The following PNPLA1 variants were observed in gnomAD, a reference collection of about 807,000 sequenced individuals.
PNPLA1 encodes patatin like domain 1, omega-hydroxyceramide transacylase.
PNPLA1 carries 36 observed loss-of-function variants against 51.7 expected under a neutral mutation model. That is an observed-to-expected ratio of 0.70 (90% CI 0.53 to 0.92). The LOEUF (loss-of-function observed/expected upper bound fraction) is 0.92, where lower values mean the gene tolerates loss of function less well. PNPLA1 is among the 40% of genes least tolerant of loss of function. PNPLA1 has a pLI of 0.00. For missense variants in PNPLA1, 658 were observed against 682.5 expected (o/e 0.96, Z 0.40); for synonymous variants, 293 against 280.1 (o/e 1.05, Z -0.46).
In PNPLA1 at chr6:36,307,582, C is replaced by T; in HGVS notation, c.1470-5C>T. On this transcript the variant is annotated splice_region_variant and splice_polypyrimidine_tract_variant and intron_variant, in intron 7 of 8. Transcript: ENST00000636260. ...ATGAACCATCTACTTAATCTCTTTG[C>T]CTAGGGAGAGCCCTGCTGAAGACTC... 6 of 1,612,844 alleles carry T rather than the reference C, an allele frequency of 3.7e-6. No homozygotes were observed. Among genetic ancestry groups the T allele is most frequent in the Non-Finnish European group, 5.1e-6 (6 of 1,179,356 alleles).
upstream of PNPLA1, among the ~76,000 whole-genome samples, chr6:36,269,632 G>A (rs768687352): frequency 2.0e-5 from 3 of 152,176 alleles, no homozygotes; most frequent in Non-Finnish European, 4.4e-5. Context: ...GGGGCTTGTC[G>A]AGAGGGCACT....
chr6:36,288,042 G>T (rs938683697), intron 1 of PNPLA1, among the ~76,000 whole-genome samples: 2 of 152,150 alleles, frequency 1.3e-5, no homozygotes, highest in African/African-American at 4.8e-5. Flanking sequence ...CCCTACCCCT[G>T]AATAGGTGAG....
chr6:36,284,851 A>G (rs1442034143), intron 1 of PNPLA1, among the ~76,000 whole-genome samples: 4 of 152,186 alleles, frequency 2.6e-5, no homozygotes, highest in Non-Finnish European at 4.4e-5. Flanking sequence ...TTTCTTTCGA[A>G]CAAAGCCTCC....
chr6:36,291,024 G>A (rs1449933946), intron 1 of PNPLA1, among the ~76,000 whole-genome samples: 2 of 152,224 alleles, frequency 1.3e-5, no homozygotes, highest in Non-Finnish European at 2.9e-5. Context: ...TCCTTTAGCT[G>A]TTGATATGAA....
At chr6:36,309,520 G>T (rs1001846586) in intron 8 of PNPLA1, among the ~76,000 whole-genome samples, 1 of 152,190 alleles carries the variant, frequency 6.6e-6, no homozygotes, top group African/African-American at 2.4e-5. Flanking sequence ...TCCAGGGCCA[G>T]CTCTCTTCCC....
intron 1 of PNPLA1, among the ~76,000 whole-genome samples, chr6:36,265,014 C>T (rs1035354881): frequency 3.3e-5 from 5 of 152,166 alleles, no homozygotes; most frequent in African/African-American, 1.2e-4. Context: ...TCACACACCT[C>T]AAAAGGCCAG....
At chr6:36,269,973 T>C (rs1695260644), upstream of PNPLA1, among the ~76,000 whole-genome samples, 1 of 151,978 alleles carries the variant, frequency 6.6e-6, no homozygotes, top group South Asian at 2.1e-4. Context: ...CAGCAGCATG[T>C]TGGGGAGGGA....
chr6:36,258,896 G>T (rs1276360191), intron 1 of PNPLA1, among the ~76,000 whole-genome samples: 1 of 152,184 alleles, frequency 6.6e-6, no homozygotes, highest in African/African-American at 2.4e-5. Flanking sequence ...TTCCTTAAAT[G>T]TATTTATTTG....
intron 1 of PNPLA1, among the ~76,000 whole-genome samples, chr6:36,246,639 G>A (rs780021413): frequency 1.5e-4 from 23 of 152,108 alleles, no homozygotes; most frequent in Non-Finnish European, 3.1e-4. Context: ...ACAACAGGAA[G>A]GTCCTTTATG....
intron 5 of PNPLA1, among the ~76,000 whole-genome samples, chr6:36,297,073 C>T (rs926784334): frequency 1.3e-4 from 20 of 152,180 alleles, no homozygotes; most frequent in African/African-American, 4.8e-4. Context: ...GTCCCGCCTA[C>T]TGCTGGGTGA....
chr6:36,270,789 G>A (rs1769892214), intron 1 of PNPLA1, 125 bp downstream of exon 1: 2 of 1,157,860 alleles, frequency 1.7e-6, no homozygotes, highest in East Asian at 5.1e-5. Flanking sequence ...GGAAGGGAAG[G>A]GAAGAGCTGG....
chr6:36,274,714 G>A (rs2127326618), intron 1 of PNPLA1, among the ~76,000 whole-genome samples: 1 of 152,300 alleles, frequency 6.6e-6, no homozygotes. Flanking sequence ...TGTCACACTT[G>A]AAAATCTTAT....
intron 1 of PNPLA1, among the ~76,000 whole-genome samples, chr6:36,290,404 G>A (rs1262610087): frequency 6.6e-6 from 1 of 152,198 alleles, no homozygotes; most frequent in Non-Finnish European, 1.5e-5. Flanking sequence ...GGGCTCTGGG[G>A]TCACACATCC....
At chr6:36,263,042 T>C (rs1272557242) in intron 1 of PNPLA1, among the ~76,000 whole-genome samples, 4 of 152,248 alleles carry the variant, frequency 2.6e-5, no homozygotes, top group Non-Finnish European at 5.9e-5. Context: ...CAAAGGAGAC[T>C]GAATGAATAG....
chr6:36,302,193 C>A lies in PNPLA1; in HGVS notation c.1108C>A (p.Pro370Thr). 1 of 1,614,214 alleles carries A rather than the reference C, an allele frequency of 6.2e-7. No homozygotes were observed. Among genetic ancestry groups the A allele is most frequent in the Non-Finnish European group, 8.5e-7 (1 of 1,180,036 alleles). Residue 370 changes from proline to threonine, a missense_variant, in exon 6 of 9, where the codon CCA becomes ACA. By Grantham distance (38) the Pro-to-Thr change is conservative. Coordinates refer to ENST00000636260, the MANE Select transcript of PNPLA1 (RefSeq NM_001374623.1). ...SSTPLSLSGMPPVSFPAVHKP... is the reference protein window; with the variant it reads ...SSTPLSLSGMTPVSFPAVHKP... ...AACTCCACTTTCTCTAAGTGGCATG[C>A]CACCTGTATCATTCCCAGCTGTGCA...
At chr6:36,295,233 G>A in intron 4 of PNPLA1, 131 bp from the exon 5 acceptor site, 1 of 866,594 alleles carries the variant, frequency 1.2e-6, no homozygotes, top group South Asian at 1.5e-5. Flanking sequence ...ATGGGACACT[G>A]GATGGGTACG....
intron 8 of PNPLA1, among the ~76,000 whole-genome samples, chr6:36,308,756 A>G (rs1275082218): frequency 6.6e-6 from 1 of 152,162 alleles, no homozygotes; most frequent in Non-Finnish European, 1.5e-5. Context: ...ATACAAACAG[A>G]CTCGCAAATT....
chr6:36,291,327 T>C lies in PNPLA1; in HGVS notation c.213T>C (p.Tyr71=), dbSNP rs1770669124. The change falls in exon 2 of 9, where the codon TAT becomes TAC. Residue 71 remains tyrosine (Y), a synonymous_variant. Coordinates refer to ENST00000636260, the MANE Select transcript of PNPLA1 (RefSeq NM_001374623.1). Reference sequence around the variant, plus strand: ...TCTCTGCTTCCTTTGCAGATGAGTATCTCAGAGTCCTCAACGTGGGTGTGG... The same window carrying C: ...TCTCTGCTTCCTTTGCAGATGAGTACCTCAGAGTCCTCAACGTGGGTGTGG... ...LAICGIEMDE[Y]LRVLNVGVAE... The C allele has an allele frequency of 6.2e-7, 1 of 1,613,814 alleles. No homozygotes were observed. The highest frequency in any genetic ancestry group is 1.3e-5 in the African/African-American group (1 of 74,910).
intron 8 of PNPLA1, among the ~76,000 whole-genome samples, chr6:36,310,625 G>T (rs143847877): frequency 2.0e-5 from 3 of 152,324 alleles, no homozygotes; most frequent in African/African-American, 4.8e-5. Flanking sequence ...GCACAGAGAG[G>T]TTAAGTAACA....
Sources: allele counts gnomAD v4.1 joint callset (sites outside exome capture counted in the v4.1 genomes callset), GRCh38; gene constraint gnomAD v4.1.1; transcripts MANE v1.5; gene names NCBI Gene and HGNC (gene_info 2026-07-23, HGNC 2026-07-21).